ADAMTS18: variants seen among roughly 807,000 people sequenced by gnomAD.
ADAMTS18 encodes the protein A disintegrin and metalloproteinase with thrombospondin motifs 18.
ADAMTS18 carries 157 observed loss-of-function variants against 165.9 expected under a neutral mutation model. The observed-to-expected ratio is 0.95, with a 90% CI of 0.83 to 1.08. ADAMTS18 has a LOEUF of 1.08. Ranked by LOEUF, ADAMTS18 falls within the 50% of genes least tolerant of loss-of-function variation. The pLI is 0.00. For synonymous variants in ADAMTS18, 782 were observed against 578.2 expected, an observed-to-expected ratio of 1.35 and a Z score of -5.06; for missense variants, 2,040 against 1,534.0, an observed-to-expected ratio of 1.33 and a Z score of -5.51.
chr16:77,406,176 G>A (rs1235008267), intron 3 of ADAMTS18, among the ~76,000 whole-genome samples: 1 of 152,004 alleles, frequency 6.6e-6, no homozygotes, highest in African/African-American at 2.4e-5. Flanking sequence ...TCATAACCAA[G>A]TAAGTTTTAT....
chr16:77,291,608 A>C, intron 20 of ADAMTS18, 130 bp from the exon 21 acceptor site: 3 of 941,524 alleles, frequency 3.2e-6, no homozygotes, highest in Non-Finnish European at 5.2e-6. Context: ...GGTCAACCAC[A>C]CTCACTCGAG....
At chr16:77,366,538 G>T (rs1029348950) in intron 4 of ADAMTS18, among the ~76,000 whole-genome samples, 11 of 152,138 alleles carry the variant, frequency 7.2e-5, no homozygotes. Flanking sequence ...CAGCCTGGGC[G>T]AAAGAGTGAA....
intron 20 of ADAMTS18, among the ~76,000 whole-genome samples, 174 bp from the exon 21 acceptor site, chr16:77,291,652 C>T (rs2055367084): frequency 6.6e-6 from 1 of 152,228 alleles, no homozygotes; most frequent in South Asian, 2.1e-4. Flanking sequence ...GTACCTCATG[C>T]TATAGGTAAG....
At chr16:77,313,952 TTTAA>T (rs1193562506) in intron 16 of ADAMTS18, among the ~76,000 whole-genome samples, 1 of 152,182 alleles carries the variant, frequency 6.6e-6, no homozygotes, top group Non-Finnish European at 1.5e-5. Flanking sequence ...ATGCCTTAGG[TTTAA>T]TTAAAGTATA....
At chr16:77,337,085 C>A (rs971872266) in intron 11 of ADAMTS18, among the ~76,000 whole-genome samples, 34 of 152,194 alleles carry the variant, frequency 2.2e-4, no homozygotes, top group African/African-American at 8.2e-4. Flanking sequence ...TGCTTCCTTT[C>A]TTCAAATTCT....
chr16:77,416,130 G>C (rs2057527175), intron 3 of ADAMTS18, among the ~76,000 whole-genome samples: 1 of 152,128 alleles, frequency 6.6e-6, no homozygotes, highest in African/African-American at 2.4e-5. Flanking sequence ...TGTCAGGGAA[G>C]ACCATTCTGG....
chr16:77,308,863 C>G (rs2055729070), intron 16 of ADAMTS18, among the ~76,000 whole-genome samples: 1 of 152,202 alleles, frequency 6.6e-6, no homozygotes, highest in Non-Finnish European at 1.5e-5. Context: ...AATTTAATTT[C>G]TTACAACACA....
chr16:77,418,538 C>T (rs11149991), intron 3 of ADAMTS18, among the ~76,000 whole-genome samples: 15,092 of 152,256 alleles, frequency 0.099, 876 homozygotes, highest in Non-Finnish European at 0.13. Flanking sequence ...TCCATCCTAA[C>T]AAACCAATAT....
chr16:77,434,594 G>A lies in ADAMTS18; in HGVS notation c.90+12C>T. 6.5e-7 allele frequency: 1 copy of A among 1,526,926 alleles called. No homozygotes were observed. The allele number at this position is 1,526,926 out of a possible 1,614,324, so 94.6% of individuals were successfully genotyped here. A position where few individuals can be genotyped will look rare whatever the true frequency, so the allele number is the denominator to read the frequency against. On this transcript the variant is annotated intron_variant, in intron 1 of 22. Coordinates refer to ENST00000282849, the MANE Select transcript of ADAMTS18 (RefSeq NM_199355.4). ...GCCACCCGCTCTCGGAGCTCCGCTCGGCGGCACCTGCCTTGGCCACGCGCC... is the reference window on the plus strand; with the variant it reads ...GCCACCCGCTCTCGGAGCTCCGCTCAGCGGCACCTGCCTTGGCCACGCGCC...
intron 15 of ADAMTS18, among the ~76,000 whole-genome samples, chr16:77,320,795 C>T (rs2055982764): frequency 6.6e-6 from 1 of 152,200 alleles, no homozygotes. Flanking sequence ...ATAAGTTTCA[C>T]AATGTTTCTT....
At chr16:77,382,876 C>A (rs965319942) in intron 3 of ADAMTS18, among the ~76,000 whole-genome samples, 4 of 152,170 alleles carry the variant, frequency 2.6e-5, no homozygotes, top group Non-Finnish European at 2.9e-5. Context: ...CTCCTCTTCA[C>A]ACGTCAGCAT....
At chr16:77,384,918 T>A (rs1244514825) in intron 3 of ADAMTS18, among the ~76,000 whole-genome samples, 1 of 152,170 alleles carries the variant, frequency 6.6e-6, no homozygotes, top group Middle Eastern at 3.4e-3. Context: ...AGGTTTTTTT[T>A]TTTTTTTCTG....
chr16:77,327,527 T>C (rs2056116294), intron 12 of ADAMTS18, among the ~76,000 whole-genome samples: 1 of 152,070 alleles, frequency 6.6e-6, no homozygotes, highest in South Asian at 2.1e-4. Flanking sequence ...GTAAAGAAAA[T>C]GTGGTGTATA....
chr16:77,322,570 A>G, intron 13 of ADAMTS18, 104 bp from the exon 14 acceptor site: 1 of 1,409,864 alleles, frequency 7.1e-7, no homozygotes, highest in South Asian at 1.2e-5. Flanking sequence ...AGCTATCATG[A>G]TGAATATGGA....
rs75622931 is a variant in ADAMTS18, at chr16:77,433,955, T to C, written c.178+463A>G. 9.2e-4 allele frequency among the ~76,000 whole-genome samples: 136 copies of C among 148,284 alleles called. No individual in the cohort carries two copies. The Middle Eastern group carries it at 0.031, about 34-fold the overall frequency. On this transcript the variant is annotated intron_variant, in intron 2 of 22. Transcript: ENST00000282849. ...ATCCGTAAAACAAGGGAAGCAGAAA[T>C]GAAAAAAAAAGAAGAGATAGAAAAG...
chr16:77,423,663 T>C (rs1415219781), intron 3 of ADAMTS18, among the ~76,000 whole-genome samples: 1 of 152,174 alleles, frequency 6.6e-6, no homozygotes, highest in Non-Finnish European at 1.5e-5. Context: ...GACATTACAC[T>C]ATGCTGCTTC....
At chr16:77,359,168 G>T (rs970007087) in intron 8 of ADAMTS18, 150 bp downstream of exon 8, 4 of 728,572 alleles carry the variant, frequency 5.5e-6, no homozygotes, top group African/African-American at 5.2e-5. Context: ...CTAGCCTTTA[G>T]TGAGCCCTTT....
chr16:77,302,877 G>GA lies in ADAMTS18; in HGVS notation c.2533-2474dup, dbSNP rs377571482. ...GCTGTGAACAGCAGGATGTGTTCAA[G>GA]AAAAAAAAATGTGTTTAAGAAAAAG... On this transcript the variant is annotated intron_variant, in intron 16 of 22. Transcript: ENST00000282849. Among the ~76,000 whole-genome samples, 1,082 of 150,890 alleles carry GA rather than the reference G, an allele frequency of 7.2e-3. 11 individuals carry two copies. The highest frequency in any genetic ancestry group is 0.024 in the African/African-American group (998 of 41,230).
chr16:77,308,118 T>C (rs905490830), intron 16 of ADAMTS18, among the ~76,000 whole-genome samples: 10 of 152,124 alleles, frequency 6.6e-5, no homozygotes, highest in African/African-American at 2.4e-4. Context: ...ACACTAGGAA[T>C]GGGCTTTCAA....
Sources: allele counts gnomAD v4.1 joint callset (sites outside exome capture counted in the v4.1 genomes callset), GRCh38; gene constraint gnomAD v4.1.1; transcripts MANE v1.5; gene names NCBI Gene and HGNC (gene_info 2026-07-23, HGNC 2026-07-21).